The following PLPP1 variants were observed in gnomAD, a reference collection of about 807,000 sequenced individuals.
The protein encoded by PLPP1 is phospholipid phosphatase 1.
A neutral mutation model predicts 31.2 loss-of-function variants in PLPP1; 24 were observed. The ratio of observed to expected loss-of-function variants is 0.77; its 90% CI spans 0.56 to 1.08. PLPP1 has a LOEUF of 1.08. PLPP1 is among the 50% of genes least tolerant of loss of function. The pLI is 0.00. For synonymous variants in PLPP1, 146 were observed against 126.3 expected (o/e 1.16, Z -1.05); for missense variants, 319 against 342.7 (o/e 0.93, Z 0.55).
intron 4 of PLPP1, among the ~76,000 whole-genome samples, chr5:55,440,420 G>A (rs1412799182): frequency 6.6e-6 from 1 of 152,158 alleles, no homozygotes; most frequent in South Asian, 2.1e-4. Context: ...AAAATATGTT[G>A]TCTCACTTAA....
At chr5:55,533,779 C>A (rs1468923048) in intron 1 of PLPP1, among the ~76,000 whole-genome samples, 1 of 152,230 alleles carries the variant, frequency 6.6e-6, no homozygotes. Flanking sequence ...CTCCTTCCAA[C>A]GCCCATCCCT....
At chr5:55,478,591 G>A (rs1210029792) in intron 1 of PLPP1, among the ~76,000 whole-genome samples, 3 of 152,170 alleles carry the variant, frequency 2.0e-5, no homozygotes, top group Non-Finnish European at 2.9e-5. Flanking sequence ...TGTACAGGAT[G>A]TATACAGAGA....
At chr5:55,443,188 A>ATATATATAT (rs1441572082) in intron 3 of PLPP1, among the ~76,000 whole-genome samples, 35 of 17,660 alleles carry the variant, frequency 2.0e-3, no homozygotes, top group Admixed American at 4.3e-3. Flanking sequence ...AAAAAAAAAA[A>ATATATATAT]AAAAATATAT....
At chr5:55,506,322 G>A (rs780892312) in intron 1 of PLPP1, among the ~76,000 whole-genome samples, 1 of 147,002 alleles carries the variant, frequency 6.8e-6, no homozygotes, top group Non-Finnish European at 1.5e-5. Context: ...CAAACTCAGA[G>A]ACACTAAGTA....
chr5:55,431,910 C>CA (rs1483999725), intron 4 of PLPP1, among the ~76,000 whole-genome samples: 4 of 152,010 alleles, frequency 2.6e-5, no homozygotes, highest in African/African-American at 9.7e-5. Flanking sequence ...CACAGAAATA[C>CA]AAAAGAACAT....
At chr5:55,516,506 C>A (rs915838327) in intron 1 of PLPP1, among the ~76,000 whole-genome samples, 1 of 152,146 alleles carries the variant, frequency 6.6e-6, no homozygotes, top group Non-Finnish European at 1.5e-5. Context: ...GCTTGGCACA[C>A]AGTATATGAG....
At chr5:55,466,838 T>C (rs187545088) in intron 3 of PLPP1, among the ~76,000 whole-genome samples, 4 of 152,208 alleles carry the variant, frequency 2.6e-5, no homozygotes, top group African/African-American at 7.2e-5. Flanking sequence ...AAGGATGTTT[T>C]ACCCAAGAAA....
intron 1 of PLPP1, among the ~76,000 whole-genome samples, chr5:55,533,871 C>G (rs920896057): frequency 6.6e-6 from 1 of 152,178 alleles, no homozygotes; most frequent in African/African-American, 2.4e-5. Flanking sequence ...CTCTTCCAAT[C>G]AGGAAGACAA....
chr5:55,426,262 G>C (rs1238144990), intron 4 of PLPP1, among the ~76,000 whole-genome samples: 1 of 152,110 alleles, frequency 6.6e-6, no homozygotes, highest in African/African-American at 2.4e-5. Flanking sequence ...TGCCAGTCTA[G>C]CTATACCACC....
chr5:55,450,338 G>A (rs1751865225), intron 3 of PLPP1, among the ~76,000 whole-genome samples: 1 of 152,152 alleles, frequency 6.6e-6, no homozygotes, highest in Admixed American at 6.5e-5. Context: ...AAAAAAGAGT[G>A]GGGAAATGTA....
chr5:55,512,374 G>C (rs1753433876), intron 1 of PLPP1, among the ~76,000 whole-genome samples: 1 of 151,630 alleles, frequency 6.6e-6, no homozygotes, highest in South Asian at 2.1e-4. Flanking sequence ...GGGAGGCTGA[G>C]GCAGGGAAAT....
intron 2 of PLPP1, 149 bp downstream of exon 2, chr5:55,475,150 A>G: frequency 2.7e-6 from 2 of 753,530 alleles, no homozygotes; most frequent in South Asian, 4.7e-5. Flanking sequence ...AAAATAGCTG[A>G]GATTCTCTTG....
intron 1 of PLPP1, among the ~76,000 whole-genome samples, chr5:55,495,993 G>A (rs909711551): frequency 4.6e-5 from 7 of 152,026 alleles, no homozygotes; most frequent in African/African-American, 1.7e-4. Context: ...GATTAGCTGG[G>A]ACCACAGGCA....
intron 1 of PLPP1, among the ~76,000 whole-genome samples, chr5:55,523,574 C>CT (rs1349620940): frequency 6.6e-6 from 1 of 152,174 alleles, no homozygotes; most frequent in Non-Finnish European, 1.5e-5. Context: ...TGTCGAGAGA[C>CT]TGCACTGGCT....
At chr5:55,505,016 G>A in intron 1 of PLPP1, among the ~76,000 whole-genome samples, 1 of 151,874 alleles carries the variant, frequency 6.6e-6, no homozygotes, top group East Asian at 1.9e-4. Flanking sequence ...TTGCCATGTT[G>A]CCCAGGCTGG....
chr5:55,425,015 A>G lies in PLPP1; in HGVS notation c.*191T>C. The G allele has an allele frequency of 1.3e-6, 1 of 781,480 alleles. No homozygotes were observed. Among genetic ancestry groups the G allele is most frequent in the Non-Finnish European group, 2.0e-6 (1 of 501,206 alleles). 48.4% of individuals were successfully genotyped at this position (781,480 alleles called of 1,614,324 possible). ...TGGAAGGCTTGGAGTTTTTTTAATG[A>G]GTTTAGAGCTATTAGATAACCACTG... On this transcript the variant is annotated 3_prime_UTR_variant, in exon 6 of 6. Transcript: ENST00000307259.
At chr5:55,477,396 C>CTTTTT (rs3070044) in intron 1 of PLPP1, among the ~76,000 whole-genome samples, 3 of 133,324 alleles carry the variant, frequency 2.3e-5, no homozygotes, top group Non-Finnish European at 4.6e-5. Context: ...TTTTTCTTTT[C>CTTTTT]TTTTTTTTTT....
chr5:55,426,610 G>A (rs1252694205), intron 4 of PLPP1, among the ~76,000 whole-genome samples: 1 of 151,148 alleles, frequency 6.6e-6, no homozygotes, highest in African/African-American at 2.4e-5. Flanking sequence ...GTCTCACTGT[G>A]TTGCCCAGGC....
At chr5:55,485,606 A>G (rs1348637389) in intron 1 of PLPP1, among the ~76,000 whole-genome samples, 1 of 152,154 alleles carries the variant, frequency 6.6e-6, no homozygotes, top group Non-Finnish European at 1.5e-5. Context: ...ATGAAAACAG[A>G]AAAATTTCTA....
Sources: gnomAD v4.1 joint callset for allele counts (sites outside exome capture counted in the v4.1 genomes callset) on GRCh38, gnomAD v4.1.1 for gene constraint, MANE v1.5 for transcripts, NCBI Gene and HGNC (gene_info 2026-07-23, HGNC 2026-07-21) for gene names.